Variants in HS6ST3 observed in about 807,000 individuals in gnomAD.
The protein encoded by HS6ST3 is heparan-sulfate 6-O-sulfotransferase 3.
HS6ST3 carries 12 observed loss-of-function variants against 36.7 expected under a neutral mutation model. The observed-to-expected ratio is 0.33, with a 90% CI of 0.21 to 0.53. HS6ST3 has a LOEUF of 0.53. Ranked by LOEUF, HS6ST3 falls within the 20% of genes least tolerant of loss-of-function variation. The probability of loss-of-function intolerance (pLI) is 0.95; values close to 1 mark genes in which losing one functional copy is unlikely to be tolerated. For synonymous variants in HS6ST3, 240 were observed against 257.5 expected (o/e 0.93, Z 0.65); for missense variants, 584 against 640.9 (o/e 0.91, Z 0.96).
At chr13:96,597,230 C>T (rs1371965526) in intron 1 of HS6ST3, among the ~76,000 whole-genome samples, 1 of 151,902 alleles carries the variant, frequency 6.6e-6, no homozygotes, top group African/African-American at 2.4e-5. Flanking sequence ...TGAAAAATAA[C>T]TAATGCATGC....
intron 1 of HS6ST3, among the ~76,000 whole-genome samples, chr13:96,374,556 A>G (rs2055305542): frequency 6.6e-6 from 1 of 152,180 alleles, no homozygotes; most frequent in Non-Finnish European, 1.5e-5. Flanking sequence ...ATGGGCTTGC[A>G]GGAACACTCC....
At chr13:96,292,624 C>T (rs897916721) in intron 1 of HS6ST3, among the ~76,000 whole-genome samples, 149 of 148,970 alleles carry the variant, frequency 1.0e-3, no homozygotes, top group Non-Finnish European at 4.5e-5. Context: ...AGTAGGTTGA[C>T]AAATATTTAT....
chr13:96,658,668 C>A (rs1051441729), intron 1 of HS6ST3, among the ~76,000 whole-genome samples: 1 of 150,480 alleles, frequency 6.6e-6, no homozygotes, highest in Non-Finnish European at 1.5e-5. Context: ...TTTTGTATGG[C>A]GGTTATATGA....
rs1356630092 is a variant in HS6ST3 at position 96,799,998 on chromosome 13, G to GTGTA, written c.708-32491_708-32490insGTAT. Among the ~76,000 whole-genome samples, 3 of 75,280 alleles carry GTGTA rather than the reference G, an allele frequency of 4.0e-5. 1 individual carries two copies. In the East Asian group the frequency reaches 9.6e-4, roughly 24 times the overall value. The allele number at this position is 75,280 out of a possible 152,430, so 49.4% of individuals were successfully genotyped here. A position where few individuals can be genotyped will look rare whatever the true frequency, so the allele number is the denominator to read the frequency against. On this transcript the variant is annotated intron_variant, in intron 1 of 1. Coordinates refer to ENST00000376705, the MANE Select transcript of HS6ST3 (RefSeq NM_153456.4). ...TATATATATGTATATATATATATATGTATATATATATATATGTATATATAT... is the reference window on the plus strand; with the variant it reads ...TATATATATGTATATATATATATATGTGTATATATATATATATATGTATATATAT...
At chr13:96,604,561 T>C (rs1449905166) in intron 1 of HS6ST3, among the ~76,000 whole-genome samples, 1 of 152,184 alleles carries the variant, frequency 6.6e-6, no homozygotes, top group Admixed American at 6.5e-5. Context: ...GAGATGTAAA[T>C]GGCATCAATG....
chr13:96,380,339 C>T (rs2055335240), intron 1 of HS6ST3, among the ~76,000 whole-genome samples: 2 of 150,112 alleles, frequency 1.3e-5, no homozygotes, highest in African/African-American at 4.9e-5. Context: ...GATATCTGCT[C>T]ATTGCTACCT....
intron 1 of HS6ST3, among the ~76,000 whole-genome samples, chr13:96,786,051 G>A (rs960733498): frequency 6.6e-6 from 1 of 152,110 alleles, no homozygotes; most frequent in African/African-American, 2.4e-5. Context: ...GCTCTACAGG[G>A]TGTGACTACT....
chr13:96,353,601 A>G (rs75197465), intron 1 of HS6ST3, among the ~76,000 whole-genome samples: 3,364 of 152,212 alleles, frequency 0.022, 125 homozygotes, highest in African/African-American at 0.078. Flanking sequence ...TTTGTAACCT[A>G]TAAGTCATAT....
chr13:96,094,932 T>C (rs942967213), intron 1 of HS6ST3, among the ~76,000 whole-genome samples: 3 of 152,204 alleles, frequency 2.0e-5, no homozygotes, highest in African/African-American at 7.2e-5. Flanking sequence ...TTATGCTTCC[T>C]TCTTTATTAC....
intron 1 of HS6ST3, among the ~76,000 whole-genome samples, chr13:96,389,685 A>G (rs138553187): frequency 0.012 from 1,825 of 152,280 alleles, 29 homozygotes; most frequent in African/African-American, 0.04. Flanking sequence ...TAGAACATGA[A>G]CACAATGGAT....
intron 1 of HS6ST3, among the ~76,000 whole-genome samples, chr13:96,640,032 A>G (rs1332944628): frequency 6.6e-6 from 1 of 151,934 alleles, no homozygotes; most frequent in African/African-American, 2.4e-5. Flanking sequence ...ATATACATGC[A>G]TGTGTCCTTT....
At chr13:96,614,192 G>C (rs1325719831) in intron 1 of HS6ST3, among the ~76,000 whole-genome samples, 1 of 151,108 alleles carries the variant, frequency 6.6e-6, no homozygotes, top group Non-Finnish European at 1.5e-5. Flanking sequence ...CAGCTACTCG[G>C]GAGGCTGAGG....
At chr13:96,581,634 C>T (rs2056342419) in intron 1 of HS6ST3, among the ~76,000 whole-genome samples, 1 of 152,082 alleles carries the variant, frequency 6.6e-6, no homozygotes, top group South Asian at 2.1e-4. Flanking sequence ...GATAAGTACC[C>T]AACAACACCT....
chr13:96,706,442 A>AG (rs1875429162), intron 1 of HS6ST3, among the ~76,000 whole-genome samples: 1 of 102,322 alleles, frequency 9.8e-6, no homozygotes, highest in African/African-American at 4.6e-5. Context: ...TATATATATA[A>AG]TCAGGGAAAG....
rs143346321 is a variant in HS6ST3, at chr13:96,314,096, G to T, written c.707+222527G>T. 9.6e-3 allele frequency among the ~76,000 whole-genome samples: 1,456 copies of T among 152,250 alleles called. 26 individuals are homozygous for T. The highest frequency in any genetic ancestry group is 0.034 in the African/African-American group (1,398 of 41,548). On this transcript the variant is annotated intron_variant, in intron 1 of 1. Coordinates refer to ENST00000376705, the MANE Select transcript of HS6ST3 (RefSeq NM_153456.4). ...CATGTCTGTAGTCCCAGGTACTTGG[G>T]AGGCCAAGGCAGGAGAATTGCTTGA...
chr13:96,770,201 A>G (rs1227934858), intron 1 of HS6ST3, among the ~76,000 whole-genome samples: 1 of 152,228 alleles, frequency 6.6e-6, no homozygotes, highest in Non-Finnish European at 1.5e-5. Context: ...ATGTGTGTGC[A>G]GTTATTGGTT....
intron 1 of HS6ST3, among the ~76,000 whole-genome samples, chr13:96,235,927 T>C (rs2054532575): frequency 6.6e-6 from 1 of 152,098 alleles, no homozygotes; most frequent in African/African-American, 2.4e-5. Flanking sequence ...CAATAGGCCA[T>C]CTGCAAGCTG....
intron 1 of HS6ST3, among the ~76,000 whole-genome samples, chr13:96,317,345 TATATATATATA>T (rs1464764154): frequency 8.2e-5 from 3 of 36,620 alleles, no homozygotes; most frequent in Non-Finnish European, 1.3e-4. Context: ...TATATATATA[TATATATATATA>T]TATATATATA....
chr13:96,350,825 T>C (rs942601118), intron 1 of HS6ST3, among the ~76,000 whole-genome samples: 1 of 152,190 alleles, frequency 6.6e-6, no homozygotes, highest in African/African-American at 2.4e-5. Flanking sequence ...TAAAAATCAA[T>C]TTATCAGTTA....
Sources: allele counts gnomAD v4.1 joint callset (sites outside exome capture counted in the v4.1 genomes callset), GRCh38; gene constraint gnomAD v4.1.1; transcripts MANE v1.5; gene names NCBI Gene and HGNC (gene_info 2026-07-23, HGNC 2026-07-21).